The following ZNF618 variants were observed in gnomAD, a reference collection of about 807,000 sequenced individuals.
ZNF618 encodes zinc finger protein 618, also known as neural precursor cell expressed, developmentally down-regulated 10.
ZNF618 carries 34 observed loss-of-function variants against 103.0 expected under a neutral mutation model. That is an observed-to-expected ratio of 0.33 (90% CI 0.25 to 0.44). ZNF618 has a LOEUF of 0.44. Ranked by LOEUF, ZNF618 falls within the 20% of genes least tolerant of loss-of-function variation. The pLI, the probability that ZNF618 is intolerant of heterozygous loss-of-function variation, is 1.00. For synonymous variants in ZNF618, 551 were observed against 542.2 expected (o/e 1.02, Z -0.23); for missense variants, 1,059 against 1,295.4 (o/e 0.82, Z 2.80).
At chr9:113,912,922 G>C (rs1159846405) in intron 1 of ZNF618, among the ~76,000 whole-genome samples, 1 of 152,072 alleles carries the variant, frequency 6.6e-6, no homozygotes, top group East Asian at 1.9e-4. Context: ...TTTGTACCAG[G>C]GAACCTTGGG....
chr9:114,003,477 T>C (rs1464246668), intron 6 of ZNF618, among the ~76,000 whole-genome samples: 1 of 152,154 alleles, frequency 6.6e-6, no homozygotes, highest in Non-Finnish European at 1.5e-5. Flanking sequence ...CCAGAGCTCA[T>C]TGAATGGAGA....
intron 12 of ZNF618, among the ~76,000 whole-genome samples, chr9:114,033,357 G>T (rs866628354): frequency 1.3e-5 from 2 of 151,894 alleles, no homozygotes; most frequent in Non-Finnish European, 2.9e-5. Flanking sequence ...CTGCACTCCA[G>T]CCTGGGTGAC....
intron 4 of ZNF618, among the ~76,000 whole-genome samples, chr9:114,000,631 A>G (rs1313802041): frequency 6.6e-6 from 1 of 152,174 alleles, no homozygotes; most frequent in Non-Finnish European, 1.5e-5. Flanking sequence ...TTCAGACTCC[A>G]TATCCAGTGC....
chr9:113,994,919 G>GA (rs1474061769), intron 3 of ZNF618, among the ~76,000 whole-genome samples: 5 of 149,626 alleles, frequency 3.3e-5, no homozygotes, highest in South Asian at 2.1e-4. Context: ...TAATTTCCAG[G>GA]ATATTGTGTA....
intron 3 of ZNF618, among the ~76,000 whole-genome samples, chr9:113,990,683 G>A (rs1170134245): frequency 3.3e-5 from 5 of 152,210 alleles, no homozygotes; most frequent in Non-Finnish European, 7.3e-5. Flanking sequence ...TGCAGCCAGA[G>A]AGAGAGGTGT....
Position 114,002,069 on chromosome 9 carries a change from C to T in ZNF618, c.507C>T (p.His169=). ...YNCFQTHVRA[H]RDTEATSGEG... ...GCTTCCAGACCCACGTGCGGGCGCA[C>T]CGAGGTGAGAGGAGTGTCCCTGGGG... The change falls in exon 5 of 15, where the codon CAC becomes CAT. Residue 169 remains histidine, a synonymous_variant. Coordinates refer to ENST00000374126, the MANE Select transcript of ZNF618 (RefSeq NM_001318042.2). 1 of 1,612,852 alleles carries T rather than the reference C, an allele frequency of 6.2e-7. No individual in the cohort carries two copies. Among genetic ancestry groups the T allele is most frequent in the Non-Finnish European group, 8.5e-7 (1 of 1,179,760 alleles).
chr9:114,049,361 G>C lies in ZNF618; in HGVS notation c.2059G>C (p.Glu687Gln), dbSNP rs1348913346. Reference sequence around the variant, plus strand: ...CAAGGAGACCTTCGGGTCGCTGGAGGAGACGTCTCCACCACCCTGCTGGAA... The same window carrying C: ...CAAGGAGACCTTCGGGTCGCTGGAGCAGACGTCTCCACCACCCTGCTGGAA... ...LAKETFGSLE[E>Q]TSPPPCWNSV... Residue 687 changes from glutamate to glutamine, a missense_variant, in exon 15 of 15, where the codon GAG (glutamate) becomes CAG (glutamine). Glu to Gln is a conservative substitution (Grantham distance 29). Transcript: ENST00000374126. 1 of 1,608,430 alleles carries C rather than the reference G, an allele frequency of 6.2e-7. No individual in the cohort carries two copies. Among genetic ancestry groups the C allele is most frequent in the African/African-American group, 1.3e-5 (1 of 74,852 alleles).
At chr9:113,943,672 G>GA (rs376556639) in intron 1 of ZNF618, among the ~76,000 whole-genome samples, 21 of 149,112 alleles carry the variant, frequency 1.4e-4, no homozygotes, top group Admixed American at 4.0e-4. Context: ...ACCACTAATT[G>GA]AAAAAAAAAG....
intron 1 of ZNF618, among the ~76,000 whole-genome samples, chr9:113,953,779 C>G (rs1835991263): frequency 1.3e-5 from 2 of 152,206 alleles, no homozygotes; most frequent in Admixed American, 6.5e-5. Flanking sequence ...TAGACACACT[C>G]TCTGTGCTGG....
intron 9 of ZNF618, among the ~76,000 whole-genome samples, chr9:114,016,326 G>A (rs1318858605): frequency 6.6e-6 from 1 of 152,154 alleles, no homozygotes; most frequent in African/African-American, 2.4e-5. Flanking sequence ...TGACGAAGAG[G>A]TTGGTGTTGG....
At position 114,005,889 on chromosome 9, in the gene ZNF618, A is replaced by G. The variant is rs538120252; in HGVS notation, c.551-1461A>G. 1.0e-3 allele frequency among the ~76,000 whole-genome samples: 153 copies of G among 152,270 alleles called. 1 individual carries two copies. The highest frequency in any genetic ancestry group is 7.7e-3 in the South Asian group (37 of 4,818). On this transcript the variant is annotated intron_variant, in intron 6 of 14. Coordinates refer to ENST00000374126, the MANE Select transcript of ZNF618 (RefSeq NM_001318042.2). ...CCCAGCTCCCCAAATTATGGGGGAA[A>G]ACAAGGAAGCAGGACCAGCCTCTCC...
At chr9:113,917,661 T>C (rs1019979622) in intron 1 of ZNF618, among the ~76,000 whole-genome samples, 4 of 152,184 alleles carry the variant, frequency 2.6e-5, no homozygotes, top group Non-Finnish European at 5.9e-5. Context: ...GTTATTTTAC[T>C]GTTTAAAAAA....
At chr9:113,944,687 C>G (rs753288996) in intron 1 of ZNF618, among the ~76,000 whole-genome samples, 1 of 152,164 alleles carries the variant, frequency 6.6e-6, no homozygotes, top group East Asian at 1.9e-4. Context: ...AGGAAAAAGA[C>G]ACAGGTGAAA....
chr9:113,969,341 T>C (rs1183373405), intron 2 of ZNF618, among the ~76,000 whole-genome samples, 181 bp downstream of exon 2: 1 of 152,238 alleles, frequency 6.6e-6, no homozygotes, highest in East Asian at 1.9e-4. Context: ...GCATTTTCCA[T>C]GTGGCTACCT....
chr9:113,920,001 G>A (rs1294660202), intron 1 of ZNF618, among the ~76,000 whole-genome samples: 1 of 152,228 alleles, frequency 6.6e-6, no homozygotes, highest in African/African-American at 2.4e-5. Context: ...CTACACAGGG[G>A]CCTGACACCT....
intron 13 of ZNF618, among the ~76,000 whole-genome samples, chr9:114,042,985 G>A (rs1386138690): frequency 6.6e-6 from 1 of 152,056 alleles, no homozygotes; most frequent in African/African-American, 2.4e-5. Context: ...GGAGTTCTAC[G>A]GTATTTAGCC....
chr9:113,990,243 G>T (rs1157685068), intron 3 of ZNF618, among the ~76,000 whole-genome samples: 1 of 152,092 alleles, frequency 6.6e-6, no homozygotes, highest in African/African-American at 2.4e-5. Flanking sequence ...CTCCTCAGTT[G>T]GTGCACTTTC....
intron 2 of ZNF618, among the ~76,000 whole-genome samples, chr9:113,972,002 T>C (rs814700): frequency 0.013 from 1,909 of 152,278 alleles, 44 homozygotes; most frequent in African/African-American, 0.043. Context: ...TTGGTCAACA[T>C]TTCTTTGTCA....
At chr9:113,884,988 G>A (rs540046770) in intron 1 of ZNF618, among the ~76,000 whole-genome samples, 3 of 152,332 alleles carry the variant, frequency 2.0e-5, no homozygotes, top group Admixed American at 6.5e-5. Flanking sequence ...TTGAGAAATA[G>A]CGAGAGAATC....
Sources: gnomAD v4.1 joint callset for allele counts (sites outside exome capture counted in the v4.1 genomes callset) on GRCh38, gnomAD v4.1.1 for gene constraint, MANE v1.5 for transcripts, NCBI Gene and HGNC (gene_info 2026-07-23, HGNC 2026-07-21) for gene names.